The following EIF3J variants were observed in gnomAD, a reference collection of about 807,000 sequenced individuals.
The protein encoded by EIF3J is eukaryotic translation initiation factor 3, subunit 1 (alpha, 35kD).
EIF3J carries 15 observed loss-of-function variants against 39.0 expected under a neutral mutation model. That is an observed-to-expected ratio of 0.38 (90% CI 0.26 to 0.59). The LOEUF (loss-of-function observed/expected upper bound fraction) is 0.59. Ranked by LOEUF, EIF3J falls within the 20% of genes least tolerant of loss-of-function variation. EIF3J has a pLI of 0.60. For synonymous variants in EIF3J, 98 were observed against 112.9 expected (o/e 0.87, Z 0.84); for missense variants, 226 against 308.6 (o/e 0.73, Z 2.00).
At chr15:44,556,459 A>T (rs2140901453) in intron 5 of EIF3J, among the ~76,000 whole-genome samples, 1 of 152,140 alleles carries the variant, frequency 6.6e-6, no homozygotes, top group Middle Eastern at 3.4e-3. Context: ...CTCCCACCTC[A>T]GCCTCCCGGG....
intron 2 of EIF3J, among the ~76,000 whole-genome samples, chr15:44,540,956 G>T (rs1343163109): frequency 6.6e-6 from 1 of 152,184 alleles, no homozygotes; most frequent in African/African-American, 2.4e-5. Context: ...TCATTTAGTA[G>T]ACTTAGTATT....
At chr15:44,555,790 T>C (rs2082139529) in intron 5 of EIF3J, among the ~76,000 whole-genome samples, 1 of 152,250 alleles carries the variant, frequency 6.6e-6, no homozygotes, top group African/African-American at 2.4e-5. Flanking sequence ...ACATGTAATA[T>C]TGTTAATAAC....
chr15:44,539,590 C>A lies in EIF3J; in HGVS notation c.147+2163C>A, dbSNP rs183203190. Among the ~76,000 whole-genome samples, 6 of 151,618 alleles carry A rather than the reference C, an allele frequency of 4.0e-5. 1 individual carries two copies. Among genetic ancestry groups the A allele is most frequent in the Non-Finnish European group, 8.8e-5 (6 of 67,916 alleles). On this transcript the variant is annotated intron_variant, in intron 2 of 7. Coordinates refer to ENST00000261868, the MANE Select transcript of EIF3J (RefSeq NM_003758.4). ...TAATTTTTTCTATTTTTAGTAGAGA[C>A]GGGGTTTCACCGTGTTAGCCAGGAT... is the stretch of plus-strand genomic sequence containing the variant.
Position 44,561,473 on chromosome 15 carries a change from T to G in EIF3J, c.*324T>G, listed in dbSNP as rs146739896. The G allele has an allele frequency of 1.9e-4, 44 of 228,360 alleles. No individual in the cohort carries two copies. Among genetic ancestry groups the G allele is most frequent in the African/African-American group, 7.2e-4 (32 of 44,366 alleles). 14.1% of individuals were successfully genotyped at this position (228,360 alleles called of 1,614,324 possible). On this transcript the variant is annotated 3_prime_UTR_variant, in exon 8 of 8. Transcript: ENST00000261868. ...GGTTGCAACGTGACAAAAAAAATTG[T>G]GTAGTATTTACCAGCACCATTCAGT...
rs1195863893 is a variant in EIF3J at position 44,561,281 on chromosome 15, C to T, written c.*132C>T. 5 of 1,091,608 alleles carry T rather than the reference C, an allele frequency of 4.6e-6. No individual in the cohort carries two copies. The highest frequency in any genetic ancestry group is 5.1e-6 in the Non-Finnish European group (4 of 785,594). 67.6% of individuals were successfully genotyped at this position (1,091,608 alleles called of 1,614,324 possible). On this transcript the variant is annotated 3_prime_UTR_variant, in exon 8 of 8. Coordinates refer to ENST00000261868, the MANE Select transcript of EIF3J (RefSeq NM_003758.4). ...AGTATCTTTTGTGCTGGTTATTTAA[C>T]CCCTTGACACTTAGGTGCTAATGTG...
At chr15:44,560,220 G>C (rs746963863) in intron 6 of EIF3J, 29 bp from the exon 7 acceptor site, 1 of 1,585,320 alleles carries the variant, frequency 6.3e-7, no homozygotes, top group East Asian at 2.2e-5. Context: ...AAAAATTCAA[G>C]TTTAATGGTA....
rs751164209 is a variant in EIF3J, at chr15:44,561,816, C to CTATT, written c.*669_*672dup. 5 of 152,694 alleles carry CTATT rather than the reference C, an allele frequency of 3.3e-5. No individual in the cohort carries two copies. Among genetic ancestry groups the CTATT allele is most frequent in the East Asian group, 3.9e-4 (2 of 5,190 alleles). The allele number at this position is 152,694 out of a possible 1,614,324, so 9.5% of individuals were successfully genotyped here. A position where few individuals can be genotyped will look rare whatever the true frequency, so the allele number is the denominator to read the frequency against. On this transcript the variant is annotated 3_prime_UTR_variant, in exon 8 of 8. Coordinates refer to ENST00000261868, the MANE Select transcript of EIF3J (RefSeq NM_003758.4). The stretch of plus-strand genomic sequence containing the variant: ...AAAGACTGTCTAGTTATTTATCAGG[C>CTATT]TATTTCTACTGATGAACTGCTTCAG...
At chr15:44,547,440 CTTTT>C (rs986408245) in intron 2 of EIF3J, among the ~76,000 whole-genome samples, 1 of 92,528 alleles carries the variant, frequency 1.1e-5, no homozygotes. Flanking sequence ...GGCCTTGATT[CTTTT>C]TTTTTTTTTT....
chr15:44,538,985 A>G lies in EIF3J; in HGVS notation c.147+1558A>G, dbSNP rs561806895. ...AATGTCATGGAATAACTTCCTTGGG[A>G]TTAAGGGATCTAAATGGTATCGATC... On this transcript the variant is annotated intron_variant, in intron 2 of 7. Coordinates refer to ENST00000261868, the MANE Select transcript of EIF3J (RefSeq NM_003758.4). 6.4e-4 allele frequency among the ~76,000 whole-genome samples: 98 copies of G among 152,006 alleles called. No homozygotes were observed. In the Middle Eastern group the frequency reaches 0.027, roughly 42 times the overall value.
chr15:44,546,816 CTTTTTT>C (rs1160471321), intron 2 of EIF3J, among the ~76,000 whole-genome samples: 10 of 78,906 alleles, frequency 1.3e-4, no homozygotes, highest in South Asian at 5.1e-4. Flanking sequence ...GAGTATAGAT[CTTTTTT>C]TTTTTTTTTT....
chr15:44,539,550 A>G (rs1291575141), intron 2 of EIF3J, among the ~76,000 whole-genome samples: 1 of 150,584 alleles, frequency 6.6e-6, no homozygotes, highest in Non-Finnish European at 1.5e-5. Context: ...ACAGGTGCCC[A>G]CCACCACGCC....
Position 44,554,614 on chromosome 15 carries a change from G to T in EIF3J, c.356G>T (p.Arg119Leu), listed in dbSNP as rs373067027. ...GAAGAACAATTAGCAGATAAACTGC[G>T]GCTAAAGAAATTACAGGAAGAGTCA... The part of the protein sequence containing the change: ...TPEEQLADKL[R>L]LKKLQEESDL... Residue 119 changes from arginine (R) to leucine (L), a missense_variant, in exon 5 of 8, where the codon CGG (arginine) becomes CTG (leucine). Around this residue, in one of 2 missense-constraint regions of EIF3J, gnomAD observed 143 missense variants for 156.0 expected, o/e 0.92. Transcript: ENST00000261868. The T allele has an allele frequency of 1.9e-6, 3 of 1,612,714 alleles. No individual in the cohort carries two copies. The highest frequency in any genetic ancestry group is 1.1e-5 in the South Asian group (1 of 90,656).
chr15:44,552,067 C>T (rs912357993), intron 4 of EIF3J, among the ~76,000 whole-genome samples: 21 of 151,910 alleles, frequency 1.4e-4, no homozygotes, highest in African/African-American at 4.6e-4. Context: ...GTGATCCACC[C>T]GCCTCGGCCT....
At chr15:44,560,034 T>A (rs952122595) in intron 6 of EIF3J, among the ~76,000 whole-genome samples, 3 of 152,180 alleles carry the variant, frequency 2.0e-5, no homozygotes, top group Non-Finnish European at 4.4e-5. Context: ...TACAGGCATG[T>A]GCCACTGTGC....
chr15:44,547,440 C>CTTTTTTTTT (rs986408245), intron 2 of EIF3J, among the ~76,000 whole-genome samples: 5 of 92,530 alleles, frequency 5.4e-5, no homozygotes, highest in East Asian at 3.7e-4. Flanking sequence ...GGCCTTGATT[C>CTTTTTTTTT]TTTTTTTTTT....
chr15:44,540,405 A>G (rs2082005241), intron 2 of EIF3J, among the ~76,000 whole-genome samples: 1 of 150,696 alleles, frequency 6.6e-6, no homozygotes, highest in African/African-American at 2.4e-5. Context: ...CACCTGACCT[A>G]TTTATTTTGA....
intron 6 of EIF3J, 89 bp from the exon 7 acceptor site, chr15:44,560,160 A>G: frequency 1.0e-6 from 1 of 988,718 alleles, no homozygotes; most frequent in Non-Finnish European, 1.5e-6. Flanking sequence ...TTTGGGATAT[A>G]TAGATATATA....
intron 4 of EIF3J, among the ~76,000 whole-genome samples, chr15:44,553,439 C>T (rs568271174): frequency 4.6e-5 from 7 of 151,354 alleles, no homozygotes; most frequent in South Asian, 2.1e-4. Flanking sequence ...TTGCAGTGAG[C>T]GGAGATCGCA....
At chr15:44,557,848 G>T (rs2082157978) in intron 6 of EIF3J, 198 bp downstream of exon 6, 3 of 347,318 alleles carry the variant, frequency 8.6e-6, no homozygotes, top group East Asian at 4.4e-5. Context: ...GTTTGTAGGG[G>T]TAAGAGGACT....
Sources: gnomAD v4.1 joint callset for allele counts (sites outside exome capture counted in the v4.1 genomes callset) on GRCh38, gnomAD v4.1.1 for gene constraint, gnomAD v4.1.1 regional missense constraint, MANE v1.5 for transcripts, NCBI Gene and HGNC (gene_info 2026-07-23, HGNC 2026-07-21) for gene names.